Variants in PLEKHG1 observed in about 807,000 individuals in gnomAD.
PLEKHG1 encodes the protein pleckstrin homology domain-containing family G member 1.
In PLEKHG1, 44 loss-of-function variants were observed where a neutral mutation model predicts 100.8. The observed-to-expected ratio is 0.44, with a 90% CI of 0.34 to 0.56. The LOEUF (loss-of-function observed/expected upper bound fraction) is 0.56, where lower values mean the gene tolerates loss of function less well. Among genes scored for constraint, PLEKHG1 ranks in the 20% least tolerant of loss-of-function variants. The probability of loss-of-function intolerance (pLI) is 0.01; values close to 1 mark genes in which losing one functional copy is unlikely to be tolerated. For missense variants in PLEKHG1, 1,545 were observed against 1,720.9 expected (o/e 0.90, Z 1.81); for synonymous variants, 640 against 662.5 (o/e 0.97, Z 0.52).
At chr6:150,827,974 A>G in intron 14 of PLEKHG1, 2 of 1,612,564 alleles carry the variant, frequency 1.2e-6, no homozygotes, top group Non-Finnish European at 1.7e-6. Context: ...GATTATGTTC[A>G]AGAAGTTACC....
rs115642806 is a variant in PLEKHG1, at chr6:150,801,283, G to A, written c.780+414G>A. 4.9e-3 allele frequency among the ~76,000 whole-genome samples: 744 copies of A among 152,322 alleles called. 4 individuals carry two copies. Among genetic ancestry groups the A allele is most frequent in the African/African-American group, 0.017 (711 of 41,572 alleles). On this transcript the variant is annotated intron_variant, in intron 6 of 15. Coordinates refer to ENST00000358517, the Ensembl canonical transcript of PLEKHG1. ...AAGAGAAGGGGCTGAAAAGGGAGAA[G>A]ACAGATGAGCAGAGTGATAAGTGAT...
At position 150,683,792 on chromosome 6, in the gene PLEKHG1, G is replaced by A. The variant is rs1461332983; in HGVS notation, c.-99+33006G>A. On this transcript the variant is annotated intron_variant, in intron 3 of 3. Coordinates refer to the PLEKHG1 transcript ENST00000367326. The surrounding 1 kb of genome is among the most constrained non-coding windows in gnomAD (Gnocchi z 4.0). ...AGCCATTCTTGGTGGGGCGGAAGAG[G>A]CAGGAAACTGCTGCCTGGACAAATC... 7.8e-7 allele frequency: 1 copy of A among 1,288,612 alleles called. No individual in the cohort carries two copies. Among genetic ancestry groups the A allele is most frequent in the Non-Finnish European group, 1.0e-6 (1 of 988,638 alleles). 79.8% of individuals were successfully genotyped at this position (1,288,612 alleles called of 1,614,324 possible).
chr6:150,641,898 AAGC>A (rs1778281159), intron 2 of PLEKHG1, among the ~76,000 whole-genome samples: 1 of 147,172 alleles, frequency 6.8e-6, no homozygotes, highest in African/African-American at 2.5e-5. Flanking sequence ...AAAAAAAAAA[AAGC>A]AAAAGGAAAT....
chr6:150,807,946 A>G (rs566460064), intron 7 of PLEKHG1, among the ~76,000 whole-genome samples: 14 of 152,242 alleles, frequency 9.2e-5, no homozygotes, highest in African/African-American at 7.2e-5. Flanking sequence ...TCCAGCCTGG[A>G]CAACAGAGCG....
intron 1 of PLEKHG1, chr6:150,632,826 A>G (rs1777818669): frequency 6.6e-6 from 1 of 152,252 alleles, no homozygotes; most frequent in Non-Finnish European, 1.5e-5. Context: ...ACATGTCACT[A>G]ATCGCTGGTT....
At chr6:150,790,084 A>G (rs183744980) in intron 4 of PLEKHG1, among the ~76,000 whole-genome samples, 4 of 152,188 alleles carry the variant, frequency 2.6e-5, no homozygotes, top group African/African-American at 7.2e-5. Context: ...GCAGTGGTGC[A>G]ATCTTGGCTC....
At chr6:150,730,086 C>A (rs1331659605) in intron 1 of PLEKHG1, among the ~76,000 whole-genome samples, 2 of 152,072 alleles carry the variant, frequency 1.3e-5, no homozygotes, top group African/African-American at 4.8e-5. Flanking sequence ...TCTGTTGTGT[C>A]CATTTTTCTC....
chr6:150,652,345 G>A (rs944476540), intron 3 of PLEKHG1, among the ~76,000 whole-genome samples: 40 of 152,126 alleles, frequency 2.6e-4, no homozygotes, highest in Admixed American at 9.2e-4. Flanking sequence ...ATGCTTATAC[G>A]TCAAATGCTT....
intron 14 of PLEKHG1, among the ~76,000 whole-genome samples, chr6:150,826,636 T>C (rs1165313666): frequency 2.0e-5 from 3 of 152,142 alleles, no homozygotes; most frequent in Non-Finnish European, 4.4e-5. Flanking sequence ...CAACATATGC[T>C]GATTCTTTCC....
chr6:150,682,400 C>A (rs1055209002), intron 3 of PLEKHG1, among the ~76,000 whole-genome samples: 135 of 152,144 alleles, frequency 8.9e-4, no homozygotes, highest in African/African-American at 3.1e-3. Flanking sequence ...CAGAAGCCAC[C>A]ATCTCCGGGG....
chr6:150,742,894 G>T (rs1782956340), intron 2 of PLEKHG1, among the ~76,000 whole-genome samples: 1 of 152,156 alleles, frequency 6.6e-6, no homozygotes, highest in Non-Finnish European at 1.5e-5. Context: ...AGGCTGAGGA[G>T]GCCTTGCTGT....
At chr6:150,824,585 A>C (rs181677943) in intron 14 of PLEKHG1, among the ~76,000 whole-genome samples, 1 of 151,346 alleles carries the variant, frequency 6.6e-6, no homozygotes, top group Admixed American at 6.6e-5. Flanking sequence ...GCAGTGGTGC[A>C]ATCTCAGTTC....
chr6:150,731,507 A>G (rs1326290722), intron 1 of PLEKHG1, among the ~76,000 whole-genome samples: 1 of 152,238 alleles, frequency 6.6e-6, no homozygotes, highest in Non-Finnish European at 1.5e-5. Flanking sequence ...CTTGTTGGAT[A>G]CTTTATATTC....
intron 2 of PLEKHG1, among the ~76,000 whole-genome samples, chr6:150,750,903 A>AT (rs1186191593): frequency 1.3e-5 from 2 of 152,138 alleles, no homozygotes; most frequent in Admixed American, 6.6e-5. Flanking sequence ...TGGCCCAGCC[A>AT]TTTCCCTGTT....
intron 3 of PLEKHG1, among the ~76,000 whole-genome samples, chr6:150,684,145 C>T (rs1780031464): frequency 6.6e-6 from 1 of 152,134 alleles, no homozygotes; most frequent in African/African-American, 2.4e-5. Context: ...TCATATTATC[C>T]TTAGATCCAG....
chr6:150,776,410 C>T (rs1397428935), intron 3 of PLEKHG1, among the ~76,000 whole-genome samples: 2 of 151,558 alleles, frequency 1.3e-5, no homozygotes, highest in Non-Finnish European at 2.9e-5. Context: ...TGCAGTTGCA[C>T]ATTACTCACA....
intron 4 of PLEKHG1, among the ~76,000 whole-genome samples, chr6:150,792,896 G>C (rs535106102): frequency 6.6e-6 from 1 of 152,284 alleles, no homozygotes; most frequent in Non-Finnish European, 1.5e-5. Flanking sequence ...CAGGAAACAA[G>C]CTACAAAAGA....
intron 3 of PLEKHG1, among the ~76,000 whole-genome samples, chr6:150,687,456 A>G (rs1780179854): frequency 6.6e-6 from 1 of 152,230 alleles, no homozygotes; most frequent in African/African-American, 2.4e-5. Flanking sequence ...TTGAGGCAAC[A>G]ATAGAACTAG....
chr6:150,681,646 A>G (rs181923614), intron 3 of PLEKHG1, among the ~76,000 whole-genome samples: 4 of 152,004 alleles, frequency 2.6e-5, no homozygotes, highest in Admixed American at 6.6e-5. Context: ...AATTTAGAAA[A>G]CCTTTTTTCC....
Sources: allele counts gnomAD v4.1 joint callset (sites outside exome capture counted in the v4.1 genomes callset), GRCh38; gene constraint gnomAD v4.1.1; non-coding constraint Gnocchi (gnomAD v3.1); transcripts MANE v1.5; gene names NCBI Gene and HGNC (gene_info 2026-07-23, HGNC 2026-07-21).